The following INVS variants were observed in gnomAD, a reference collection of about 807,000 sequenced individuals.
INVS encodes the protein inversin.
INVS carries 86 observed loss-of-function variants against 108.8 expected under a neutral mutation model. That is an observed-to-expected ratio of 0.79 (90% confidence interval 0.66 to 0.95). INVS has a LOEUF of 0.95. Ranked by LOEUF, INVS falls within the 40% of genes least tolerant of loss-of-function variation. The pLI, the probability that INVS is intolerant of heterozygous loss-of-function variation, is 0.00. For missense variants in INVS, 1,169 were observed against 1,297.4 expected (o/e 0.90, Z 1.52); for synonymous variants, 455 against 473.5 (o/e 0.96, Z 0.51).
rs914522120 is a variant in INVS, at chr9:100,213,177, C to T, written c.274-12885C>T. 3.7e-5 allele frequency among the ~76,000 whole-genome samples: 5 copies of T among 133,676 alleles called. 1 individual carries two copies. The highest frequency in any genetic ancestry group is 4.8e-4 in the South Asian group (2 of 4,168). The allele number at this position is 133,676 out of a possible 152,430, so 87.7% of individuals were successfully genotyped here. A position where few individuals can be genotyped will look rare whatever the true frequency, so the allele number is the denominator to read the frequency against. On this transcript the variant is annotated intron_variant, in intron 3 of 16. Coordinates refer to ENST00000262457, the MANE Select transcript of INVS (RefSeq NM_014425.5). ...CCATATCCTAATACCAAGACATTGG[C>T]GTTAGAATTTCAACACATGAATTGG... is the stretch of plus-strand genomic sequence containing the variant.
At chr9:100,273,894 T>C (rs1833038478) in intron 12 of INVS, among the ~76,000 whole-genome samples, 1 of 152,046 alleles carries the variant, frequency 6.6e-6, no homozygotes, top group African/African-American at 2.4e-5. Flanking sequence ...ACTCAAGAAA[T>C]ATTGATTGAA....
chr9:100,204,925 G>A (rs1012588547), intron 3 of INVS, among the ~76,000 whole-genome samples: 4 of 151,852 alleles, frequency 2.6e-5, no homozygotes, highest in African/African-American at 9.7e-5. Flanking sequence ...CTTGAATTGC[G>A]CTTGACCTTT....
chr9:100,155,029 A>G (rs1206087963), intron 3 of INVS, among the ~76,000 whole-genome samples: 1 of 152,144 alleles, frequency 6.6e-6, no homozygotes, highest in East Asian at 1.9e-4. Context: ...CCTGGCCAAC[A>G]TGGTGAAACC....
intron 3 of INVS, among the ~76,000 whole-genome samples, chr9:100,136,292 T>G (rs1220710834): frequency 6.6e-6 from 1 of 152,118 alleles, no homozygotes; most frequent in Non-Finnish European, 1.5e-5. Context: ...GTGGGAAAAT[T>G]TTTAATAAAT....
At chr9:100,226,022 T>C (rs1831305868) in intron 3 of INVS, 40 bp from the exon 4 acceptor site, 1 of 1,472,000 alleles carries the variant, frequency 6.8e-7, no homozygotes, top group Non-Finnish European at 9.4e-7. Context: ...TTTGACCCCA[T>C]AGTACATTTT....
chr9:100,297,930 T>C lies in INVS; in HGVS notation c.3017-6T>C, dbSNP rs753664526. 1.9e-6 allele frequency: 3 copies of C among 1,614,144 alleles called. No homozygotes were observed. Among genetic ancestry groups the C allele is most frequent in the Non-Finnish European group, 2.5e-6 (3 of 1,179,960 alleles). On this transcript the variant is annotated splice_region_variant and splice_polypyrimidine_tract_variant and intron_variant, in intron 15 of 16. Transcript: ENST00000262457. ...AAGAAAAGTAACAGTTGTTGGTTCATTTCAGGTTGTTCTCACGAAGGGAAA... is the reference window on the plus strand; with the variant it reads ...AAGAAAAGTAACAGTTGTTGGTTCACTTCAGGTTGTTCTCACGAAGGGAAA...
At chr9:100,187,824 C>T (rs1830099286) in intron 3 of INVS, among the ~76,000 whole-genome samples, 1 of 152,262 alleles carries the variant, frequency 6.6e-6, no homozygotes, top group African/African-American at 2.4e-5. Context: ...CCAGCCTCAT[C>T]TATGATTTCT....
At chr9:100,256,216 T>A (rs1383511479) in intron 10 of INVS, among the ~76,000 whole-genome samples, 1 of 152,216 alleles carries the variant, frequency 6.6e-6, no homozygotes, top group Non-Finnish European at 1.5e-5. Context: ...GTGTTTATAG[T>A]ATTCTCTGAT....
At chr9:100,252,157 A>G in intron 8 of INVS, 126 bp from the exon 9 acceptor site, 2 of 1,095,598 alleles carry the variant, frequency 1.8e-6, no homozygotes, top group Non-Finnish European at 2.8e-6. Context: ...AAATTAGTGA[A>G]TCCTTAAAAT....
intron 3 of INVS, among the ~76,000 whole-genome samples, chr9:100,185,220 G>T (rs1830017383): frequency 3.3e-5 from 5 of 151,398 alleles, no homozygotes; most frequent in Admixed American, 3.3e-4. Context: ...ATTTTTTAAT[G>T]ATTATTATTA....
chr9:100,294,059 T>C (rs1433829329), intron 14 of INVS, among the ~76,000 whole-genome samples: 1 of 152,142 alleles, frequency 6.6e-6, no homozygotes, highest in East Asian at 1.9e-4. Flanking sequence ...TCCTAGCTAT[T>C]TGTGAGGCTG....
At chr9:100,114,685 C>T (rs1171335073) in intron 2 of INVS, among the ~76,000 whole-genome samples, 4 of 152,150 alleles carry the variant, frequency 2.6e-5, no homozygotes, top group East Asian at 1.9e-4. Context: ...GGATTATGGG[C>T]GTGAGCCACT....
intron 3 of INVS, among the ~76,000 whole-genome samples, chr9:100,143,905 G>A (rs757100068): frequency 9.9e-5 from 15 of 152,084 alleles, no homozygotes; most frequent in Non-Finnish European, 1.5e-4. Context: ...CCTGAAGCTC[G>A]GCGTCCGTGA....
chr9:100,251,892 G>A (rs1832250307), intron 8 of INVS, among the ~76,000 whole-genome samples: 1 of 152,196 alleles, frequency 6.6e-6, no homozygotes. Context: ...TATGCTTATT[G>A]AGTGGGTTGT....
chr9:100,160,005 C>A (rs1336470344), intron 3 of INVS, among the ~76,000 whole-genome samples: 1 of 152,158 alleles, frequency 6.6e-6, no homozygotes, highest in African/African-American at 2.4e-5. Context: ...AGGGTAGCCT[C>A]TGGAAGTACA....
chr9:100,182,605 G>A (rs1406025442), intron 3 of INVS, among the ~76,000 whole-genome samples: 1 of 152,164 alleles, frequency 6.6e-6, no homozygotes, highest in African/African-American at 2.4e-5. Flanking sequence ...CAGTTAGAAT[G>A]GCGATCATTA....
chr9:100,291,206 C>T (rs1034154000), intron 13 of INVS, among the ~76,000 whole-genome samples: 10 of 151,844 alleles, frequency 6.6e-5, no homozygotes, highest in South Asian at 2.1e-4. Flanking sequence ...TGGGACTACA[C>T]GCGTGCGCCA....
At chr9:100,155,701 A>C (rs2118994639) in intron 3 of INVS, among the ~76,000 whole-genome samples, 1 of 152,352 alleles carries the variant, frequency 6.6e-6, no homozygotes, top group East Asian at 1.9e-4. Flanking sequence ...CCTAAGGACA[A>C]AGACAGCTAC....
At chr9:100,137,330 C>G (rs552560317) in intron 3 of INVS, among the ~76,000 whole-genome samples, 28 of 152,106 alleles carry the variant, frequency 1.8e-4, no homozygotes, top group African/African-American at 6.3e-4. Context: ...TCACACCTCC[C>G]CAGACCCTAA....
Sources: gnomAD v4.1 joint callset for allele counts (sites outside exome capture counted in the v4.1 genomes callset) on GRCh38, gnomAD v4.1.1 for gene constraint, MANE v1.5 for transcripts, NCBI Gene and HGNC (gene_info 2026-07-23, HGNC 2026-07-21) for gene names.